SDR16C5: variants seen among roughly 807,000 people sequenced by gnomAD.
The protein encoded by SDR16C5 is epidermal retinol dehydrogenase 2.
A neutral mutation model predicts 27.7 loss-of-function variants in SDR16C5; 20 were observed. The observed-to-expected ratio is 0.72, with a 90% CI of 0.51 to 1.05. The LOEUF is 1.05. SDR16C5 is among the 50% of genes least tolerant of loss of function. SDR16C5 has a pLI of 0.00. For synonymous variants in SDR16C5, 139 were observed against 132.3 expected, an observed-to-expected ratio of 1.05 and a Z score of -0.35; for missense variants, 374 against 366.3, an observed-to-expected ratio of 1.02 and a Z score of -0.17.
chr8:56,307,682 G>C (rs530498531), intron 4 of SDR16C5, among the ~76,000 whole-genome samples: 1 of 152,338 alleles, frequency 6.6e-6, no homozygotes, highest in Non-Finnish European at 1.5e-5. Context: ...GAGGAGTCCA[G>C]AGCAGCTTCT....
Position 56,316,324 on chromosome 8 carries a change from T to C in SDR16C5, c.24A>G (p.Ser8=), listed in dbSNP as rs1815197050. 1.9e-6 allele frequency: 3 copies of C among 1,613,272 alleles called. No individual in the cohort carries two copies. The highest frequency in any genetic ancestry group is 1.3e-5 in the African/African-American group (1 of 74,902). ...TTCCTAAGAAAATGAACAGTTTCTT[T>C]GATGATTGCAGGTTGAAAGACATGT... MSFNLQS[S]KKLFIFLGKS... The change falls in exon 2 of 7, where the codon TCA becomes TCG. Residue 8 remains serine (S), a synonymous_variant. Transcript: ENST00000303749.
intron 4 of SDR16C5, among the ~76,000 whole-genome samples, chr8:56,307,577 T>C (rs1814917338): frequency 6.6e-6 from 1 of 152,256 alleles, no homozygotes; most frequent in Admixed American, 6.5e-5. Flanking sequence ...CTACTGCAAC[T>C]GGCAAGAGCC....
chr8:56,312,444 C>A (rs189534035), intron 2 of SDR16C5, among the ~76,000 whole-genome samples, 156 bp from the exon 3 acceptor site: 1 of 152,224 alleles, frequency 6.6e-6, no homozygotes, highest in East Asian at 1.9e-4. Context: ...GTGGCTCACA[C>A]CTGTAATCCC....
intron 1 of SDR16C5, among the ~76,000 whole-genome samples, chr8:56,318,596 A>C (rs1815257639): frequency 6.6e-6 from 1 of 152,210 alleles, no homozygotes; most frequent in African/African-American, 2.4e-5. Flanking sequence ...GAATTCACAT[A>C]GAGGGACAGA....
At chr8:56,307,472 G>A (rs927017990) in intron 4 of SDR16C5, among the ~76,000 whole-genome samples, 1 of 152,236 alleles carries the variant, frequency 6.6e-6, no homozygotes, top group African/African-American at 2.4e-5. Flanking sequence ...AAGTGAAGAA[G>A]TTTGGAGAAG....
At chr8:56,319,610 C>T (rs1315679807) in intron 1 of SDR16C5, among the ~76,000 whole-genome samples, 1 of 152,248 alleles carries the variant, frequency 6.6e-6, no homozygotes, top group African/African-American at 2.4e-5. Context: ...GGTGAGGGCA[C>T]CCGGACGAAA....
intron 3 of SDR16C5, 43 bp from the exon 4 acceptor site, chr8:56,309,070 G>T: frequency 7.1e-7 from 1 of 1,403,060 alleles, no homozygotes; most frequent in South Asian, 1.3e-5. Flanking sequence ...ATGCCACATT[G>T]TATAATTTTC....
rs929651131 is a variant in SDR16C5 at position 56,300,483 on chromosome 8, A to G, written c.*997T>C. The G allele has an allele frequency of 6.6e-6, 1 of 152,210 alleles. No homozygotes were observed. The highest frequency in any genetic ancestry group is 2.4e-5 in the African/African-American group (1 of 41,446). The allele number at this position is 152,210 out of a possible 1,614,324, so 9.4% of individuals were successfully genotyped here. A position where few individuals can be genotyped will look rare whatever the true frequency, so the allele number is the denominator to read the frequency against. On this transcript the variant is annotated 3_prime_UTR_variant, in exon 7 of 7. Transcript: ENST00000303749. ...GAGTTCCAGGGATATGGTAATTAACATATTTTTCTTAATCTTGCTTTTATA... is the reference window on the plus strand; with the variant it reads ...GAGTTCCAGGGATATGGTAATTAACGTATTTTTCTTAATCTTGCTTTTATA...
intron 5 of SDR16C5, 27 bp downstream of exon 5, chr8:56,306,649 T>C: frequency 6.4e-7 from 1 of 1,553,480 alleles, no homozygotes; most frequent in Non-Finnish European, 8.7e-7. Context: ...AGAGTGTAGA[T>C]TCTTTGAAAT....
chr8:56,302,570 G>T (rs540928753), intron 6 of SDR16C5, among the ~76,000 whole-genome samples: 2 of 151,976 alleles, frequency 1.3e-5, no homozygotes, highest in East Asian at 3.9e-4. Flanking sequence ...CTACTCAGGA[G>T]GCTGAGGCAG....
At chr8:56,312,101 A>T in intron 3 of SDR16C5, 56 bp downstream of exon 3, 1 of 1,471,362 alleles carries the variant, frequency 6.8e-7, no homozygotes, top group Non-Finnish European at 9.4e-7. Flanking sequence ...CAAGAGGAAA[A>T]TACTTCCAAA....
At chr8:56,310,088 A>G (rs1448333904) in intron 3 of SDR16C5, among the ~76,000 whole-genome samples, 1 of 143,708 alleles carries the variant, frequency 7.0e-6, no homozygotes, top group African/African-American at 2.6e-5. Flanking sequence ...GAAGAAGAAG[A>G]AGGAGGAAGA....
At position 56,301,525 on chromosome 8, in the gene SDR16C5, G is replaced by C; in HGVS notation, c.885C>G (p.Ile295Met). Residue 295 changes from isoleucine (I) to methionine (M), a missense_variant, in exon 7 of 7, where the codon ATC (isoleucine) becomes ATG (methionine). Transcript: ENST00000303749. ...CAACAAAGCCATCCATTGCATGAAG[G>C]ATGCCCAAATAGTCAGCTATAAGCA... ...TGLLIADYLG[I>M]LHAMDGFVDQ... The C allele has an allele frequency of 6.2e-7, 1 of 1,614,176 alleles. No individual in the cohort carries two copies. Among genetic ancestry groups the C allele is most frequent in the Middle Eastern group, 1.6e-4 (1 of 6,062 alleles).
intron 2 of SDR16C5, 36 bp downstream of exon 2, chr8:56,315,979 T>C: frequency 7.2e-7 from 1 of 1,383,444 alleles, no homozygotes; most frequent in East Asian, 2.3e-5. Flanking sequence ...GAGTGTGATG[T>C]GTATCAAATT....
At chr8:56,309,115 C>CTT in intron 3 of SDR16C5, 88 bp from the exon 4 acceptor site, 1 of 1,041,322 alleles carries the variant, frequency 9.6e-7, no homozygotes, top group Non-Finnish European at 1.3e-6. Flanking sequence ...ATTAAAAAAT[C>CTT]TTTTTTTTTC....
chr8:56,308,302 G>C (rs1035288783), intron 4 of SDR16C5, among the ~76,000 whole-genome samples: 1 of 152,176 alleles, frequency 6.6e-6, no homozygotes, highest in Admixed American at 6.5e-5. Flanking sequence ...TCCTCTAGGG[G>C]ATGCTGTGGT....
chr8:56,316,717 C>T (rs1210122152), intron 1 of SDR16C5, among the ~76,000 whole-genome samples: 1 of 152,148 alleles, frequency 6.6e-6, no homozygotes, highest in Non-Finnish European at 1.5e-5. Flanking sequence ...AATAATGAAT[C>T]CTGTTGGCTG....
intron 1 of SDR16C5, among the ~76,000 whole-genome samples, chr8:56,319,783 G>GGTT (rs1477599070): frequency 6.6e-6 from 1 of 152,200 alleles, no homozygotes; most frequent in Non-Finnish European, 1.5e-5. Flanking sequence ...CTCTGCTCCG[G>GGTT]GTGGGGAGGG....
At position 56,305,635 on chromosome 8, in the gene SDR16C5, A is replaced by G; in HGVS notation, c.798T>C (p.Tyr266=). 1.9e-6 allele frequency: 3 copies of G among 1,597,134 alleles called. No homozygotes were observed. Among genetic ancestry groups the G allele is most frequent in the Non-Finnish European group, 2.6e-6 (3 of 1,175,074 alleles). The change falls in exon 6 of 7, where the codon TAT becomes TAC. Residue 266 remains tyrosine (Y), a synonymous_variant. Coordinates refer to ENST00000303749, the MANE Select transcript of SDR16C5 (RefSeq NM_138969.4). ...EAILQEKMYL[Y]MPKLLYFMMF... is the part of the protein sequence containing the mutation. Reference sequence around the variant, plus strand: ...TCATGAAGTATAACAACTTTGGCATATACAAGTACATTTTTTCTTGTAGAA... The same window carrying G: ...TCATGAAGTATAACAACTTTGGCATGTACAAGTACATTTTTTCTTGTAGAA...
Sources: gnomAD v4.1 joint callset for allele counts (sites outside exome capture counted in the v4.1 genomes callset) on GRCh38, gnomAD v4.1.1 for gene constraint, MANE v1.5 for transcripts, NCBI Gene and HGNC (gene_info 2026-07-23, HGNC 2026-07-21) for gene names.